PTPRN2: variants seen among roughly 807,000 people sequenced by gnomAD.
PTPRN2 encodes receptor-type tyrosine-protein phosphatase N2.
In PTPRN2, 74 loss-of-function variants were observed where a neutral mutation model predicts 118.8. The observed-to-expected ratio is 0.62, with a 90% CI of 0.52 to 0.76. The LOEUF (loss-of-function observed/expected upper bound fraction) is 0.76, where lower values mean the gene tolerates loss of function less well. PTPRN2 is among the 30% of genes least tolerant of loss of function. PTPRN2 has a pLI of 0.00. For synonymous variants in PTPRN2, 641 were observed against 608.0 expected (o/e 1.05, Z -0.80); for missense variants, 1,481 against 1,394.4 (o/e 1.06, Z -0.99).
At chr7:158,398,960 T>C (rs1680714067) in intron 2 of PTPRN2, among the ~76,000 whole-genome samples, 1 of 152,228 alleles carries the variant, frequency 6.6e-6, no homozygotes, top group South Asian at 2.1e-4. Flanking sequence ...ACGCTGTGAC[T>C]AGTATTAATT....
chr7:157,963,109 G>A (rs1401395845), intron 11 of PTPRN2, among the ~76,000 whole-genome samples: 1 of 152,244 alleles, frequency 6.6e-6, no homozygotes, highest in Non-Finnish European at 1.5e-5. Context: ...CTCAGCAGAC[G>A]CACACTCTCA....
intron 5 of PTPRN2, among the ~76,000 whole-genome samples, chr7:158,185,875 C>T (rs958189604): frequency 3.9e-5 from 6 of 152,172 alleles, no homozygotes; most frequent in East Asian, 1.9e-4. Context: ...TCTTCCCCGT[C>T]GGTCCCACCC....
intron 2 of PTPRN2, among the ~76,000 whole-genome samples, chr7:158,450,921 C>A (rs1168207463): frequency 6.6e-6 from 1 of 152,186 alleles, no homozygotes; most frequent in African/African-American, 2.4e-5. Context: ...CACACCTGCC[C>A]ACCTGCTGTC....
chr7:157,836,542 G>A (rs1234681182), intron 12 of PTPRN2, among the ~76,000 whole-genome samples: 1 of 151,952 alleles, frequency 6.6e-6, no homozygotes, highest in East Asian at 1.9e-4. Context: ...AAAGACCAAA[G>A]TGTTCCTCAG....
chr7:158,164,195 A>T (rs1367274469), intron 6 of PTPRN2, among the ~76,000 whole-genome samples: 2 of 150,578 alleles, frequency 1.3e-5, no homozygotes, highest in East Asian at 3.9e-4. Context: ...TCCCCGGTGC[A>T]TAAGAAAGGC....
intron 11 of PTPRN2, among the ~76,000 whole-genome samples, chr7:157,902,276 G>C (rs964252582): frequency 1.3e-5 from 2 of 152,246 alleles, no homozygotes; most frequent in African/African-American, 4.8e-5. Flanking sequence ...CTTGTTGGCT[G>C]CAGTGGAACA....
chr7:158,125,327 C>T (rs933483666), intron 9 of PTPRN2, among the ~76,000 whole-genome samples: 7 of 151,308 alleles, frequency 4.6e-5, no homozygotes, highest in Non-Finnish European at 4.4e-5. Flanking sequence ...CACCTCCCTG[C>T]CTCAAGTCCC....
At chr7:158,032,707 A>C (rs2128883158) in intron 11 of PTPRN2, among the ~76,000 whole-genome samples, 1 of 152,308 alleles carries the variant, frequency 6.6e-6, no homozygotes, top group East Asian at 1.9e-4. Flanking sequence ...ATCACAGAGC[A>C]CCAGGCATTT....
chr7:158,028,634 C>G (rs183285769), intron 11 of PTPRN2: 1 of 152,414 alleles, frequency 6.6e-6, no homozygotes, highest in Admixed American at 6.5e-5. Flanking sequence ...ACCGACGCCA[C>G]CTGGAGAAAG....
chr7:158,382,511 T>A (rs1007684100), intron 2 of PTPRN2, among the ~76,000 whole-genome samples: 7 of 152,166 alleles, frequency 4.6e-5, no homozygotes, highest in Non-Finnish European at 1.0e-4. Context: ...CCCATTCTAT[T>A]CTTACAGCAG....
At position 158,466,690 on chromosome 7, in the gene PTPRN2, G is replaced by A. The variant is rs112418174; in HGVS notation, c.163+23045C>T. Among the ~76,000 whole-genome samples, 398 of 152,276 alleles carry A rather than the reference G, an allele frequency of 2.6e-3. 2 individuals are homozygous for A. Among genetic ancestry groups the A allele is most frequent in the African/African-American group, 9.2e-3 (381 of 41,562 alleles). ...TTCTGGATCTATAACCAAAAGAGGC[G>A]TTGATGGTAGCACTGTTTTTAATTT... On this transcript the variant is annotated intron_variant, in intron 2 of 22. Coordinates refer to ENST00000389418, the MANE Select transcript of PTPRN2 (RefSeq NM_002847.5).
chr7:158,187,654 ATC>A (rs1825286408), intron 5 of PTPRN2, among the ~76,000 whole-genome samples: 1 of 152,242 alleles, frequency 6.6e-6, no homozygotes, highest in Non-Finnish European at 1.5e-5. Flanking sequence ...ACTGAGAAGC[ATC>A]TATCTTAACA....
intron 12 of PTPRN2, among the ~76,000 whole-genome samples, chr7:157,847,830 A>T (rs1186279362): frequency 1.4e-5 from 2 of 147,206 alleles, no homozygotes; most frequent in African/African-American, 5.1e-5. Flanking sequence ...GCCCTCTCTC[A>T]CTCCATCATG....
Position 158,325,981 on chromosome 7 carries a change from C to T in PTPRN2, c.164-9049G>A, listed in dbSNP as rs10250985. Among the ~76,000 whole-genome samples the T allele has an allele frequency of 8.2e-3, 1,252 of 152,296 alleles. 20 individuals carry two copies. The highest frequency in any genetic ancestry group is 0.028 in the African/African-American group (1,181 of 41,562). On this transcript the variant is annotated intron_variant, in intron 2 of 22. Coordinates refer to ENST00000389418, the MANE Select transcript of PTPRN2 (RefSeq NM_002847.5). ...ACCTGGGAAGCCCAGGAGGGGAACG[C>T]GGCCTCCTGGGGGTGTCCCAGGCAC...
intron 1 of PTPRN2, among the ~76,000 whole-genome samples, chr7:158,548,138 A>G (rs1826420721): frequency 6.6e-6 from 1 of 152,180 alleles, no homozygotes; most frequent in Non-Finnish European, 1.5e-5. Flanking sequence ...TGCATTGTCC[A>G]TGCTCTCCTC....
At chr7:157,770,208 A>T (rs374782415) in intron 12 of PTPRN2, among the ~76,000 whole-genome samples, 1 of 152,232 alleles carries the variant, frequency 6.6e-6, no homozygotes, top group African/African-American at 2.4e-5. Context: ...TCAGGAACAT[A>T]TTGGAACCAT....
intron 2 of PTPRN2, among the ~76,000 whole-genome samples, chr7:158,487,517 A>G (rs1821112444): frequency 6.6e-6 from 1 of 151,836 alleles, no homozygotes; most frequent in Non-Finnish European, 1.5e-5. Flanking sequence ...TTTATTAATA[A>G]CCTCTGTTGG....
At chr7:157,972,931 C>T (rs1482535890) in intron 11 of PTPRN2, among the ~76,000 whole-genome samples, 5 of 151,788 alleles carry the variant, frequency 3.3e-5, no homozygotes, top group African/African-American at 7.3e-5. Flanking sequence ...GCTTCAGAGA[C>T]CACAGGAACT....
At chr7:158,425,728 C>T (rs1452916185) in intron 2 of PTPRN2, among the ~76,000 whole-genome samples, 33 of 60,030 alleles carry the variant, frequency 5.5e-4, no homozygotes, top group African/African-American at 2.5e-3. Context: ...CCGAGTCCAG[C>T]CTAGCTGAGG....
Sources: allele counts gnomAD v4.1 joint callset (sites outside exome capture counted in the v4.1 genomes callset), GRCh38; gene constraint gnomAD v4.1.1; transcripts MANE v1.5; gene names NCBI Gene and HGNC (gene_info 2026-07-23, HGNC 2026-07-21).